Variants in RYR2 observed in about 807,000 individuals in gnomAD.
RYR2 encodes the protein cardiac muscle ryanodine receptor-calcium release channel.
In RYR2, 227 loss-of-function variants were observed where a neutral mutation model predicts 601.1. That is an observed-to-expected ratio of 0.38 (90% CI 0.34 to 0.42). RYR2 has a LOEUF of 0.42. Among genes scored for constraint, RYR2 ranks in the 10% least tolerant of loss-of-function variants. The pLI, the probability that RYR2 is intolerant of heterozygous loss-of-function variation, is 1.00. For synonymous variants in RYR2, 2,223 were observed against 2,175.1 expected, an observed-to-expected ratio of 1.02 and a Z score of -0.61; for missense variants, 4,646 against 6,156.5, an observed-to-expected ratio of 0.75 and a Z score of 8.21.
chr1:237,811,098 T>C (rs1451940654), intron 100 of RYR2, among the ~76,000 whole-genome samples: 3 of 152,046 alleles, frequency 2.0e-5, no homozygotes, highest in African/African-American at 7.3e-5. Context: ...GGTATTTTTT[T>C]ATTTTTAAAA....
Position 237,646,486 on chromosome 1 carries a change from C to T in RYR2, c.7343-1958C>T, listed in dbSNP as rs138192174. On this transcript the variant is annotated intron_variant, in intron 48 of 104. Coordinates refer to ENST00000366574, the MANE Select transcript of RYR2 (RefSeq NM_001035.3). ...CTTCAACCACCAATATTTCTTTCTC[C>T]TTTTCAATGACAACTCAATTGGTCT... is the stretch of plus-strand genomic sequence containing the variant. 4.0e-3 allele frequency among the ~76,000 whole-genome samples: 603 copies of T among 152,186 alleles called. 1 individual carries two copies. Among genetic ancestry groups the T allele is most frequent in the East Asian group, 0.021 (108 of 5,148 alleles).
At chr1:237,380,095 ATGGG>A (rs1242450129) in intron 8 of RYR2, among the ~76,000 whole-genome samples, 1 of 151,894 alleles carries the variant, frequency 6.6e-6, no homozygotes, top group Non-Finnish European at 1.5e-5. Context: ...GGACATTCCT[ATGGG>A]TATAGAGATG....
intron 41 of RYR2, among the ~76,000 whole-genome samples, chr1:237,630,024 C>A (rs537579837): frequency 1.1e-3 from 167 of 152,180 alleles, no homozygotes; most frequent in African/African-American, 3.9e-3. Flanking sequence ...CCCGAGGAAG[C>A]CTCTCATAAG....
intron 1 of RYR2, among the ~76,000 whole-genome samples, chr1:237,244,224 A>C (rs1181430675): frequency 1.3e-5 from 2 of 152,212 alleles, no homozygotes; most frequent in Non-Finnish European, 2.9e-5. Context: ...ATGTTCGTGC[A>C]CAAGGTAGTA....
chr1:237,137,659 C>A (rs1014489611), intron 1 of RYR2, among the ~76,000 whole-genome samples: 1 of 152,126 alleles, frequency 6.6e-6, no homozygotes, highest in Non-Finnish European at 1.5e-5. Context: ...GACGTGGCAT[C>A]CATTTGAATA....
intron 29 of RYR2, among the ~76,000 whole-genome samples, chr1:237,577,632 G>A (rs1673414093): frequency 6.6e-6 from 1 of 151,776 alleles, no homozygotes; most frequent in Non-Finnish European, 1.5e-5. Context: ...GGAAAGTCAG[G>A]AAGTGGGTTC....
intron 2 of RYR2, among the ~76,000 whole-genome samples, chr1:237,297,320 A>G (rs750790288): frequency 1.3e-5 from 2 of 152,178 alleles, no homozygotes; most frequent in African/African-American, 2.4e-5. Context: ...GGTGATCTTT[A>G]TGCTCCACTA....
chr1:237,613,388 CAG>C (rs1678100614), intron 36 of RYR2, among the ~76,000 whole-genome samples: 1 of 152,174 alleles, frequency 6.6e-6, no homozygotes, highest in South Asian at 2.1e-4. Flanking sequence ...AATAGGCACT[CAG>C]TGATATTTGA....
At chr1:237,334,439 A>AC (rs1322605185) in intron 3 of RYR2, among the ~76,000 whole-genome samples, 12 of 126,244 alleles carry the variant, frequency 9.5e-5, no homozygotes, top group Admixed American at 8.8e-4. Context: ...TGTTTAATTA[A>AC]AATATATATA....
Position 237,658,001 on chromosome 1 carries a change from T to C in RYR2, c.8187T>C (p.His2729=). 6.6e-7 allele frequency: 1 copy of C among 1,504,614 alleles called. No individual in the cohort carries two copies. Among genetic ancestry groups the C allele is most frequent in the Non-Finnish European group, 8.9e-7 (1 of 1,122,558 alleles). The allele number at this position is 1,504,614 out of a possible 1,614,324, so 93.2% of individuals were successfully genotyped here. Residue 2729 remains histidine (H), a synonymous_variant, in exon 54 of 105, where the codon CAT becomes CAC. Coordinates refer to ENST00000366574, the MANE Select transcript of RYR2 (RefSeq NM_001035.3). ...YFINKYAEHS[H]DKWSMDKLAN... ...TTAACAAATATGCAGAACACTCCCA[T>C]GACAAATGGTCAATGGACAAGGTAA...
At chr1:237,534,076 G>C (rs1354379721) in intron 25 of RYR2, among the ~76,000 whole-genome samples, 2 of 152,040 alleles carry the variant, frequency 1.3e-5, no homozygotes, top group Non-Finnish European at 2.9e-5. Context: ...ATGATATACA[G>C]CTATAAGAGG....
At chr1:237,803,392 C>T (rs912128663) in intron 98 of RYR2, among the ~76,000 whole-genome samples, 1 of 152,102 alleles carries the variant, frequency 6.6e-6, no homozygotes, top group Non-Finnish European at 1.5e-5. Flanking sequence ...CAAGCTCCGC[C>T]TCCTGGGTTC....
At chr1:237,057,165 G>A (rs1662251864) in intron 1 of RYR2, among the ~76,000 whole-genome samples, 1 of 152,126 alleles carries the variant, frequency 6.6e-6, no homozygotes, top group South Asian at 2.1e-4. Context: ...CAGCAACAGA[G>A]GCTCAGACGA....
intron 17 of RYR2, among the ~76,000 whole-genome samples, chr1:237,488,737 A>T (rs1188225725): frequency 6.6e-6 from 1 of 152,132 alleles, no homozygotes; most frequent in African/African-American, 2.4e-5. Flanking sequence ...GCCCTTAAGA[A>T]TGTACTTTGT....
At position 237,832,537 on chromosome 1, in the gene RYR2, C is replaced by T. The variant is rs790897; in HGVS notation, c.14809-15C>T. The stretch of plus-strand genomic sequence containing the variant: ...CTTTGGGGAAAATGTTAATACATTT[C>T]CTTGACTTTTGCAGGAATCTTATGT... On this transcript the variant is annotated splice_polypyrimidine_tract_variant and intron_variant, in intron 104 of 104. Transcript: ENST00000366574. 6.4e-7 allele frequency: 1 copy of T among 1,562,420 alleles called. No homozygotes were observed. Among genetic ancestry groups the T allele is most frequent in the Non-Finnish European group, 8.8e-7 (1 of 1,136,274 alleles).
At chr1:237,382,520 T>C (rs1248275227) in intron 8 of RYR2, among the ~76,000 whole-genome samples, 8 of 105,974 alleles carry the variant, frequency 7.5e-5, no homozygotes, top group African/African-American at 1.1e-4. Flanking sequence ...ATGTTATCCC[T>C]CCCCCCTCCC....
At chr1:237,692,574 T>A (rs77949920) in intron 63 of RYR2, among the ~76,000 whole-genome samples, 2 of 152,176 alleles carry the variant, frequency 1.3e-5, no homozygotes, top group Non-Finnish European at 2.9e-5. Context: ...TCCTCCTCCC[T>A]ATGCTTCTTC....
intron 3 of RYR2, among the ~76,000 whole-genome samples, chr1:237,340,691 A>G (rs1469753596): frequency 6.6e-6 from 1 of 152,232 alleles, no homozygotes; most frequent in Non-Finnish European, 1.5e-5. Flanking sequence ...TAGTACTTCA[A>G]TAATTAGATT....
intron 24 of RYR2, among the ~76,000 whole-genome samples, chr1:237,519,247 ATTCT>A (rs1444427155): frequency 6.6e-6 from 1 of 152,130 alleles, no homozygotes; most frequent in Non-Finnish European, 1.5e-5. Flanking sequence ...CACTCTGTTG[ATTCT>A]TTCTCTCACT....
Sources: allele counts gnomAD v4.1 joint callset (sites outside exome capture counted in the v4.1 genomes callset), GRCh38; gene constraint gnomAD v4.1.1; transcripts MANE v1.5; gene names NCBI Gene and HGNC (gene_info 2026-07-23, HGNC 2026-07-21).